Variants in OSBPL1A observed in about 807,000 individuals in gnomAD.
The protein encoded by OSBPL1A is oxysterol-binding protein-related protein 1.
OSBPL1A carries 80 observed loss-of-function variants against 137.1 expected under a neutral mutation model. The observed-to-expected ratio is 0.58, with a 90% CI of 0.49 to 0.70. The LOEUF is 0.70. OSBPL1A is among the 30% of genes least tolerant of loss of function. The pLI, the probability that OSBPL1A is intolerant of heterozygous loss-of-function variation, is 0.00. For missense variants in OSBPL1A, 970 were observed against 1,129.4 expected (o/e 0.86, Z 2.02); for synonymous variants, 365 against 389.7 (o/e 0.94, Z 0.75).
intron 18 of OSBPL1A, 98 bp from the exon 19 acceptor site, chr18:24,181,377 G>C (rs2086601893): frequency 6.9e-6 from 9 of 1,297,720 alleles, no homozygotes; most frequent in Non-Finnish European, 8.4e-6. Context: ...GGACAGAACA[G>C]AAACTAGCAA....
chr18:24,332,381 G>C (rs1381241245), intron 7 of OSBPL1A, among the ~76,000 whole-genome samples: 1 of 73,566 alleles, frequency 1.4e-5, no homozygotes, highest in Non-Finnish European at 2.3e-5. Context: ...GAGAGACTCT[G>C]TCTCAAAAAA....
chr18:24,184,762 G>A (rs986646184), intron 18 of OSBPL1A, among the ~76,000 whole-genome samples: 2 of 151,958 alleles, frequency 1.3e-5, no homozygotes, highest in African/African-American at 2.4e-5. Flanking sequence ...GGTGTGCCCT[G>A]CCCCAGATGC....
Position 24,170,529 on chromosome 18 carries a change from G to A in OSBPL1A, c.2292-76C>T, listed in dbSNP as rs2086251229. 3.2e-6 allele frequency: 5 copies of A among 1,572,086 alleles called. No homozygotes were observed. In the South Asian group the frequency reaches 4.5e-5, roughly 14 times the overall value. ...AAGCCGACAGCACCTGGTATTCCCA[G>A]GCGGTCTCCCATCCGAGTACTAACC... On this transcript the variant is annotated intron_variant, in intron 23 of 27. Transcript: ENST00000319481.
chr18:24,348,473 T>C (rs777892369), intron 4 of OSBPL1A, among the ~76,000 whole-genome samples: 40 of 152,108 alleles, frequency 2.6e-4, no homozygotes, highest in African/African-American at 8.9e-4. Context: ...TTTTATACAA[T>C]ACATAAAAAC....
chr18:24,332,550 A>G (rs2091100516), intron 7 of OSBPL1A, among the ~76,000 whole-genome samples: 1 of 149,774 alleles, frequency 6.7e-6, no homozygotes, highest in Admixed American at 6.6e-5. Context: ...ATGAGTCAAC[A>G]ATATGTATTA....
At position 24,308,033 on chromosome 18, in the gene OSBPL1A, G is replaced by A. The variant is rs140654876; in HGVS notation, c.1092+3951C>T. Among the ~76,000 whole-genome samples the A allele has an allele frequency of 6.7e-3, 1,026 of 152,014 alleles. 7 individuals are homozygous for A. The highest frequency in any genetic ancestry group is 0.023 in the African/African-American group (956 of 41,438). ...ACTCCTGGCCTCATGTGATCTGCCCGCCTCGGGAATCATTTATTCTTAAAT... is the reference window on the plus strand; with the variant it reads ...ACTCCTGGCCTCATGTGATCTGCCCACCTCGGGAATCATTTATTCTTAAAT... On this transcript the variant is annotated intron_variant, in intron 13 of 27. Transcript: ENST00000319481.
intron 4 of OSBPL1A, among the ~76,000 whole-genome samples, chr18:24,355,373 G>C (rs1225017904): frequency 2.0e-5 from 3 of 151,660 alleles, no homozygotes; most frequent in Non-Finnish European, 2.9e-5. Context: ...ATGGTGGCAG[G>C]CACCTGTAAT....
intron 14 of OSBPL1A, among the ~76,000 whole-genome samples, chr18:24,299,858 T>C (rs759882805): frequency 4.6e-5 from 7 of 152,204 alleles, no homozygotes; most frequent in South Asian, 2.1e-4. Context: ...ACTATATGTA[T>C]CAACAGTCTC....
intron 15 of OSBPL1A, among the ~76,000 whole-genome samples, chr18:24,258,362 G>A (rs1424742909): frequency 6.6e-6 from 1 of 152,166 alleles, no homozygotes. Flanking sequence ...AATGAAATAA[G>A]CCAGGCACAG....
intron 17 of OSBPL1A, among the ~76,000 whole-genome samples, chr18:24,211,846 C>T (rs2087554489): frequency 6.6e-6 from 1 of 151,458 alleles, no homozygotes; most frequent in South Asian, 2.1e-4. Flanking sequence ...GCTTGTAATC[C>T]CAGCTACTCG....
At chr18:24,307,940 C>A (rs1312023296) in intron 13 of OSBPL1A, among the ~76,000 whole-genome samples, 1 of 147,250 alleles carries the variant, frequency 6.8e-6, no homozygotes. Flanking sequence ...CAGACGTGCA[C>A]CACCATGCCT....
chr18:24,251,230 G>T (rs1173718540), intron 15 of OSBPL1A, among the ~76,000 whole-genome samples: 1 of 152,188 alleles, frequency 6.6e-6, no homozygotes, highest in African/African-American at 2.4e-5. Flanking sequence ...TTGCCACCTG[G>T]TGACTACGTA....
chr18:24,260,053 C>T (rs1334532441), intron 15 of OSBPL1A, among the ~76,000 whole-genome samples: 1 of 152,076 alleles, frequency 6.6e-6, no homozygotes, highest in South Asian at 2.1e-4. Context: ...CCAAAAAAGA[C>T]AGCCAGTAAG....
chr18:24,278,789 AT>A (rs1171369732), intron 15 of OSBPL1A, among the ~76,000 whole-genome samples: 4 of 149,358 alleles, frequency 2.7e-5, no homozygotes, highest in Admixed American at 2.6e-4. Flanking sequence ...ATGACATCAT[AT>A]TTTATTAATT....
intron 13 of OSBPL1A, among the ~76,000 whole-genome samples, chr18:24,304,952 C>A (rs2090473567): frequency 1.3e-5 from 2 of 152,124 alleles, no homozygotes; most frequent in South Asian, 4.1e-4. Flanking sequence ...ACCATATATG[C>A]CTGATAATTT....
At chr18:24,278,998 T>C (rs1450393071) in intron 15 of OSBPL1A, among the ~76,000 whole-genome samples, 1 of 152,220 alleles carries the variant, frequency 6.6e-6, no homozygotes, top group South Asian at 2.1e-4. Flanking sequence ...TGATAGTTAA[T>C]ATAATTCTAT....
chr18:24,222,343 C>T (rs1055633539), intron 17 of OSBPL1A, among the ~76,000 whole-genome samples: 3 of 152,034 alleles, frequency 2.0e-5, no homozygotes, highest in Non-Finnish European at 4.4e-5. Flanking sequence ...GACTAATTTG[C>T]TTTCTGTTAG....
chr18:24,284,363 C>T (rs1381712603), intron 14 of OSBPL1A, among the ~76,000 whole-genome samples: 1 of 152,074 alleles, frequency 6.6e-6, no homozygotes, highest in Non-Finnish European at 1.5e-5. Context: ...CTTATTTGGC[C>T]TGCTGTAAGA....
rs1306764182 is a variant in OSBPL1A at position 24,303,773 on chromosome 18, CT to C, written c.1093-56del. ...CAAAGTAATAAAAGATTTTACATTA[CT>C]TATGCTTTAGTGTTTCTATCAAAAC... On this transcript the variant is annotated intron_variant, in intron 13 of 27. Coordinates refer to ENST00000319481, the MANE Select transcript of OSBPL1A (RefSeq NM_080597.4). 4 of 1,425,152 alleles carry C rather than the reference CT, an allele frequency of 2.8e-6. No homozygotes were observed. In the Admixed American group the frequency reaches 6.8e-5, roughly 24 times the overall value. 88.3% of individuals were successfully genotyped at this position (1,425,152 alleles called of 1,614,324 possible). A position where few individuals can be genotyped will look rare whatever the true frequency, so the allele number is the denominator to read the frequency against.
Sources: allele counts gnomAD v4.1 joint callset (sites outside exome capture counted in the v4.1 genomes callset), GRCh38; gene constraint gnomAD v4.1.1; transcripts MANE v1.5; gene names NCBI Gene and HGNC (gene_info 2026-07-23, HGNC 2026-07-21).